Variants in SGCZ observed in about 807,000 individuals in gnomAD.
SGCZ encodes the protein sarcoglycan zeta.
Under a neutral mutation model 41.3 loss-of-function variants are expected in SGCZ, and 40 were observed. That is an observed-to-expected ratio of 0.97 (90% CI 0.75 to 1.26). The LOEUF (loss-of-function observed/expected upper bound fraction) is 1.26. Among genes scored for constraint, SGCZ ranks in the 50% most tolerant of loss-of-function variants. The probability of loss-of-function intolerance (pLI) is 0.00; values close to 1 mark genes in which losing one functional copy is unlikely to be tolerated. For synonymous variants in SGCZ, 206 were observed against 137.5 expected, an observed-to-expected ratio of 1.50 and a Z score of -3.49; for missense variants, 552 against 369.8, an observed-to-expected ratio of 1.49 and a Z score of -4.04.
chr8:14,442,009 C>A (rs1427942557), intron 2 of SGCZ, among the ~76,000 whole-genome samples: 1 of 152,212 alleles, frequency 6.6e-6, no homozygotes, highest in Non-Finnish European at 1.5e-5. Context: ...GCCATACATT[C>A]CCCTGCTGGG....
In SGCZ at chr8:14,859,613, C is replaced by T. The variant is rs76680526; in HGVS notation, c.40-304687G>A. The stretch of plus-strand genomic sequence containing the variant: ...TTGTCCCAATATAATGAAAACTCAT[C>T]GCTAATATGCTCCAAACCTTTGGCT... On this transcript the variant is annotated intron_variant, in intron 1 of 7. Coordinates refer to ENST00000382080, the MANE Select transcript of SGCZ (RefSeq NM_139167.4). Among the ~76,000 whole-genome samples the T allele has an allele frequency of 1.1e-3, 169 of 152,148 alleles. 1 individual carries two copies. In the East Asian group the frequency reaches 0.031, roughly 28 times the overall value.
At chr8:14,538,371 G>A (rs1453050915) in intron 2 of SGCZ, among the ~76,000 whole-genome samples, 9 of 151,748 alleles carry the variant, frequency 5.9e-5, no homozygotes, top group Admixed American at 5.9e-4. Context: ...CAGTCAAGTG[G>A]GAATGAATAA....
At chr8:14,932,545 A>G (rs536625847) in intron 1 of SGCZ, among the ~76,000 whole-genome samples, 1 of 152,162 alleles carries the variant, frequency 6.6e-6, no homozygotes, top group South Asian at 2.1e-4. Flanking sequence ...GGGCAATGAC[A>G]GAATTACTAT....
chr8:14,190,410 T>C (rs1426834903), intron 4 of SGCZ, among the ~76,000 whole-genome samples: 1 of 151,976 alleles, frequency 6.6e-6, no homozygotes, highest in Non-Finnish European at 1.5e-5. Context: ...AAGTGTGATA[T>C]ATATATATCA....
At chr8:15,082,081 T>C (rs1192681984) in intron 1 of SGCZ, among the ~76,000 whole-genome samples, 1 of 151,904 alleles carries the variant, frequency 6.6e-6, no homozygotes, top group Non-Finnish European at 1.5e-5. Flanking sequence ...ATACAAAAAT[T>C]AGCTGGGCAT....
intron 3 of SGCZ, among the ~76,000 whole-genome samples, chr8:14,319,159 A>C (rs1801830869): frequency 1.3e-5 from 2 of 151,974 alleles, no homozygotes; most frequent in Admixed American, 6.6e-5. Context: ...CAACGAATAA[A>C]ACTGAAAAGC....
chr8:15,105,539 A>C (rs1329887879), intron 1 of SGCZ, among the ~76,000 whole-genome samples: 1 of 152,048 alleles, frequency 6.6e-6, no homozygotes, highest in Non-Finnish European at 1.5e-5. Flanking sequence ...CCCACTTTTA[A>C]ACACGCAGAT....
chr8:14,266,217 A>G (rs1166152532), intron 3 of SGCZ, among the ~76,000 whole-genome samples: 1 of 152,130 alleles, frequency 6.6e-6, no homozygotes, highest in Non-Finnish European at 1.5e-5. Context: ...CGATTCATAT[A>G]AATTGAACCA....
At chr8:15,123,814 C>T (rs1807572788) in intron 1 of SGCZ, among the ~76,000 whole-genome samples, 1 of 152,130 alleles carries the variant, frequency 6.6e-6, no homozygotes. Context: ...GAAACAACAT[C>T]AATCGCAGAC....
Position 14,898,891 on chromosome 8 carries a change from G to C in SGCZ, c.39+338694C>G, listed in dbSNP as rs1002919201. Among the ~76,000 whole-genome samples, 153 of 152,288 alleles carry C rather than the reference G, an allele frequency of 1.0e-3. 1 individual carries two copies. The highest frequency in any genetic ancestry group is 3.5e-3 in the African/African-American group (145 of 41,564). On this transcript the variant is annotated intron_variant, in intron 1 of 7. Transcript: ENST00000382080. ...AGTTGAATAACTGAGCTGGGGTTTA[G>C]AGAGGAAAATTGTTCTGAGAAAATA... is the stretch of plus-strand genomic sequence containing the variant.
intron 1 of SGCZ, among the ~76,000 whole-genome samples, chr8:15,217,269 T>A (rs1801435512): frequency 6.6e-6 from 1 of 151,384 alleles, no homozygotes. Flanking sequence ...TACAAAAAAT[T>A]AGCCGGGCGT....
intron 1 of SGCZ, among the ~76,000 whole-genome samples, chr8:15,138,666 C>A (rs996190130): frequency 6.6e-6 from 1 of 152,158 alleles, no homozygotes; most frequent in African/African-American, 2.4e-5. Context: ...TGAAGAGGTG[C>A]CTGCCACCAT....
rs190114368 is a variant in SGCZ at position 14,350,528 on chromosome 8, G to C, written c.235-26324C>G. ...CTTTCCAGGAATTGCCTAAGCTGAA[G>C]ATGTGATACCCCATCTATTTGGAGA... is the stretch of plus-strand genomic sequence containing the variant. On this transcript the variant is annotated intron_variant, in intron 2 of 7. Coordinates refer to ENST00000382080, the MANE Select transcript of SGCZ (RefSeq NM_139167.4). Among the ~76,000 whole-genome samples, 59 of 152,222 alleles carry C rather than the reference G, an allele frequency of 3.9e-4. No individual in the cohort carries two copies. The Middle Eastern group carries it at 0.01, about 26-fold the overall frequency.
At chr8:14,421,994 T>C (rs932241024) in intron 2 of SGCZ, among the ~76,000 whole-genome samples, 5 of 152,146 alleles carry the variant, frequency 3.3e-5, no homozygotes, top group African/African-American at 1.2e-4. Context: ...GATTTTTTTA[T>C]ATTAGCGAAG....
chr8:14,392,040 G>T (rs1804795066), intron 2 of SGCZ, among the ~76,000 whole-genome samples: 1 of 152,008 alleles, frequency 6.6e-6, no homozygotes, highest in Non-Finnish European at 1.5e-5. Context: ...ATTTGAGTAT[G>T]GACACAGATC....
chr8:14,580,711 C>T (rs1804859766), intron 1 of SGCZ, among the ~76,000 whole-genome samples: 1 of 152,154 alleles, frequency 6.6e-6, no homozygotes, highest in Admixed American at 6.6e-5. Context: ...ATAATTATGG[C>T]TCATTCATGT....
At chr8:15,014,205 A>C (rs1802938886) in intron 1 of SGCZ, among the ~76,000 whole-genome samples, 2 of 152,206 alleles carry the variant, frequency 1.3e-5, no homozygotes, top group South Asian at 4.1e-4. Flanking sequence ...TCTAGTTGTC[A>C]GGATATGCTG....
At chr8:14,691,574 G>C (rs1458123476) in intron 1 of SGCZ, among the ~76,000 whole-genome samples, 2 of 151,580 alleles carry the variant, frequency 1.3e-5, no homozygotes, top group African/African-American at 4.8e-5. Flanking sequence ...CTCTTGGAAA[G>C]GTTCAGCTAA....
At chr8:14,424,865 G>C (rs541245320) in intron 2 of SGCZ, among the ~76,000 whole-genome samples, 2 of 152,010 alleles carry the variant, frequency 1.3e-5, no homozygotes, top group Admixed American at 1.3e-4. Flanking sequence ...TGATTTGAAC[G>C]GCTGGTAAAA....
Sources: allele counts gnomAD v4.1 joint callset (sites outside exome capture counted in the v4.1 genomes callset), GRCh38; gene constraint gnomAD v4.1.1; transcripts MANE v1.5; gene names NCBI Gene and HGNC (gene_info 2026-07-23, HGNC 2026-07-21).